CPD: variants seen among roughly 807,000 people sequenced by gnomAD.
CPD encodes carboxypeptidase D, also known as metallocarboxypeptidase D.
CPD carries 69 observed loss-of-function variants against 138.3 expected under a neutral mutation model. The ratio of observed to expected loss-of-function variants is 0.50; its 90% CI spans 0.41 to 0.61. CPD has a LOEUF of 0.61. Ranked by LOEUF, CPD falls within the 20% of genes least tolerant of loss-of-function variation. CPD has a pLI of 0.00. For missense variants in CPD, 1,432 were observed against 1,733.3 expected (o/e 0.83, Z 3.09); for synonymous variants, 651 against 642.1 (o/e 1.01, Z -0.21).
At chr17:30,412,034 A>T (rs1464990883) in intron 2 of CPD, among the ~76,000 whole-genome samples, 1 of 151,978 alleles carries the variant, frequency 6.6e-6, no homozygotes, top group African/African-American at 2.4e-5. Flanking sequence ...TGACCTACAG[A>T]TGGGGTTTTG....
rs771378024 is a variant in CPD, at chr17:30,378,986, G to T, written c.6G>T (p.Ala2=). Residue 2 remains alanine (A), a synonymous_variant, in exon 1 of 21, where the codon GCG becomes GCT. Transcript: ENST00000225719. The part of the protein sequence containing the change: M[A]SGRDERPPWR... The stretch of plus-strand genomic sequence containing the variant: ...GTTAGCGGCGCTGCTGGAAGATGGC[G>T]AGCGGCCGGGACGAGCGGCCGCCTT... 34 of 1,532,224 alleles carry T rather than the reference G, an allele frequency of 2.2e-5. No individual in the cohort carries two copies. Among genetic ancestry groups the T allele is most frequent in the Non-Finnish European group, 2.8e-5 (32 of 1,150,738 alleles). 94.9% of individuals were successfully genotyped at this position (1,532,224 alleles called of 1,614,324 possible).
rs1447785477 is a variant in CPD at position 30,379,192 on chromosome 17, C to T, written c.212C>T (p.Ala71Val). The change falls in exon 1 of 21, where the codon GCG becomes GTG. Residue 71 changes from alanine (A) to valine (V), a missense_variant. Physicochemically the swap from Ala to Val is moderately conservative, Grantham distance 64. Coordinates refer to ENST00000225719, the MANE Select transcript of CPD (RefSeq NM_001304.5). This position sits in a 1 kb window ranked among gnomAD's most constrained non-coding sequence, Gnocchi z 7.0. ...EEELESALRE[A>V]AAAGLPGLAR... is the part of the protein sequence containing the mutation. ...GAGTTGGAGTCGGCGCTGAGGGAGGCGGCGGCCGCGGGCCTCCCCGGCCTG... is the reference window on the plus strand; with the variant it reads ...GAGTTGGAGTCGGCGCTGAGGGAGGTGGCGGCCGCGGGCCTCCCCGGCCTG... The T allele has an allele frequency of 1.3e-6, 2 of 1,530,414 alleles. No individual in the cohort carries two copies. Among genetic ancestry groups the T allele is most frequent in the African/African-American group, 1.4e-5 (1 of 70,930 alleles). The allele number at this position is 1,530,414 out of a possible 1,614,324, so 94.8% of individuals were successfully genotyped here. A position where few individuals can be genotyped will look rare whatever the true frequency, so the allele number is the denominator to read the frequency against.
rs866410895 is a variant in CPD at position 30,420,281 on chromosome 17, C to G, written c.995-560C>G. ...TGTGCCACCCTAGATAACAGTTTTT[C>G]TTTTTGCTCTTGCCACCTTCTTGAT... On this transcript the variant is annotated intron_variant, in intron 2 of 20. Transcript: ENST00000225719. Among the ~76,000 whole-genome samples, 7 of 152,234 alleles carry G rather than the reference C, an allele frequency of 4.6e-5. No individual in the cohort carries two copies. In the Middle Eastern group the frequency reaches 0.014, roughly 296 times the overall value.
intron 7 of CPD, 110 bp from the exon 8 acceptor site, chr17:30,431,662 C>T: frequency 1.4e-6 from 1 of 706,750 alleles, no homozygotes; most frequent in Non-Finnish European, 2.4e-6. Flanking sequence ...GGAAATTCTG[C>T]TTGGCAAATT....
intron 2 of CPD, among the ~76,000 whole-genome samples, chr17:30,418,493 A>G (rs1912177954): frequency 1.3e-5 from 2 of 152,182 alleles, no homozygotes; most frequent in Admixed American, 6.5e-5. Flanking sequence ...TACTGCCCTC[A>G]GCCTCCCAAA....
intron 2 of CPD, among the ~76,000 whole-genome samples, chr17:30,386,368 G>C (rs990890077): frequency 6.6e-6 from 1 of 151,968 alleles, no homozygotes; most frequent in Non-Finnish European, 1.5e-5. Context: ...TTTTCCTTTT[G>C]TATTTTAATC....
Position 30,469,655 on chromosome 17 carries a change from T to G in CPD, c.*4841T>G, listed in dbSNP as rs1224447129. Reference sequence around the variant, plus strand: ...AGACACAAATAAAAAAAGAAATTTTTTATTATGTGGTTCAATAGATTGTCT... The same window carrying G: ...AGACACAAATAAAAAAAGAAATTTTGTATTATGTGGTTCAATAGATTGTCT... On this transcript the variant is annotated 3_prime_UTR_variant, in exon 21 of 21. Coordinates refer to ENST00000225719, the MANE Select transcript of CPD (RefSeq NM_001304.5). The G allele has an allele frequency of 1.3e-5, 2 of 152,214 alleles. No individual in the cohort carries two copies. The highest frequency in any genetic ancestry group is 1.9e-4 in the East Asian group (1 of 5,202). The allele number at this position is 152,214 out of a possible 1,614,324, so 9.4% of individuals were successfully genotyped here.
At chr17:30,402,615 G>T (rs1331534650) in intron 2 of CPD, among the ~76,000 whole-genome samples, 2 of 152,164 alleles carry the variant, frequency 1.3e-5, no homozygotes, top group Non-Finnish European at 2.9e-5. Context: ...TTGTAACATG[G>T]TTATAATAAC....
Position 30,421,671 on chromosome 17 carries a change from T to C in CPD, c.1145T>C (p.Ile382Thr), listed in dbSNP as rs762061351. The C allele has an allele frequency of 1.2e-5, 19 of 1,613,416 alleles. No homozygotes were observed. The highest frequency in any genetic ancestry group is 8.9e-5 in the East Asian group (4 of 44,848). Residue 382 changes from isoleucine to threonine, a missense_variant, in exon 4 of 21, where the codon ATT (isoleucine) becomes ACT (threonine). By Grantham distance (89) the Ile-to-Thr change is moderately conservative. Transcript: ENST00000225719. ...GGATTCTTGTCTTCTTAGGTTCACA[T>C]TGGAGTGAAAGGATTTGTTAAAGAT... is the stretch of plus-strand genomic sequence containing the variant. ...SLITLIEKVH[I>T]GVKGFVKDSI...
intron 2 of CPD, among the ~76,000 whole-genome samples, chr17:30,389,339 C>G (rs768176419): frequency 2.6e-5 from 4 of 152,172 alleles, no homozygotes; most frequent in African/African-American, 7.2e-5. Flanking sequence ...AGAAGTGAAA[C>G]CTTCTCCCCA....
chr17:30,425,071 T>C (rs1912368040), intron 6 of CPD, among the ~76,000 whole-genome samples: 1 of 152,198 alleles, frequency 6.6e-6, no homozygotes, highest in Non-Finnish European at 1.5e-5. Flanking sequence ...TCCCCAGACC[T>C]TTCTGAAAGG....
intron 2 of CPD, among the ~76,000 whole-genome samples, chr17:30,410,924 C>T (rs925474029): frequency 6.2e-5 from 9 of 144,696 alleles, no homozygotes; most frequent in African/African-American, 2.1e-4. Flanking sequence ...TTATTTTGCC[C>T]GTTAATTGAT....
Position 30,422,769 on chromosome 17 carries a change from C to T in CPD, c.1403C>T (p.Pro468Leu). The T allele has an allele frequency of 1.2e-6, 2 of 1,614,072 alleles. No homozygotes were observed. Among genetic ancestry groups the T allele is most frequent in the Non-Finnish European group, 1.7e-6 (2 of 1,179,956 alleles). ...SLRPTVTSVI[P>L]DTTEAVSTAS... ...AGGCCAACTGTAACTTCAGTAATCC[C>T]TGACACGACAGAGGCTGTATCAACT... The change falls in exon 5 of 21, where the codon CCT becomes CTT. Residue 468 changes from proline to leucine, a missense_variant. By Grantham distance (98) the Pro-to-Leu change is moderately conservative. Around this residue, in one of 6 missense-constraint regions of CPD, gnomAD observed 160 missense variants for 197.9 expected, o/e 0.81. Coordinates refer to ENST00000225719, the MANE Select transcript of CPD (RefSeq NM_001304.5).
chr17:30,422,809 T>A lies in CPD; in HGVS notation c.1443T>A (p.Ala481=), dbSNP rs200417693. The A allele has an allele frequency of 3.1e-5, 50 of 1,614,136 alleles. No individual in the cohort carries two copies. The highest frequency in any genetic ancestry group is 4.0e-5 in the Non-Finnish European group (47 of 1,179,960). The part of the protein sequence containing the change: ...TEAVSTASTV[A]IPNILSGTSS... ...CTGTATCAACTGCTAGCACAGTTGC[T>A]ATACCTAATATTCTTTCTGGAACAT... The change falls in exon 5 of 21, where the codon GCT becomes GCA. Residue 481 remains alanine, a synonymous_variant. Transcript: ENST00000225719.
intron 1 of CPD, among the ~76,000 whole-genome samples, chr17:30,382,458 GAGTTGATTTGCAA>G (rs1236764893): frequency 6.6e-6 from 1 of 152,150 alleles, no homozygotes; most frequent in Admixed American, 6.5e-5. Context: ...AATAAGATTG[GAGTTGATTTGCAA>G]AGTTGATTTG....
At chr17:30,460,382 AAT>A (rs1291970306) in intron 17 of CPD, among the ~76,000 whole-genome samples, 6 of 152,194 alleles carry the variant, frequency 3.9e-5, no homozygotes, top group Non-Finnish European at 8.8e-5. Flanking sequence ...CTAATCTCTA[AAT>A]AATCAGTTAA....
intron 2 of CPD, among the ~76,000 whole-genome samples, chr17:30,407,768 C>T (rs1225765160): frequency 2.0e-5 from 3 of 152,108 alleles, no homozygotes; most frequent in Non-Finnish European, 4.4e-5. Flanking sequence ...CTGTAGGTTG[C>T]CTGTTCACTC....
At position 30,469,065 on chromosome 17, in the gene CPD, G is replaced by C. The variant is rs1030551276; in HGVS notation, c.*4251G>C. 1 of 151,992 alleles carries C rather than the reference G, an allele frequency of 6.6e-6. No homozygotes were observed. The highest frequency in any genetic ancestry group is 1.5e-5 in the Non-Finnish European group (1 of 67,966). The allele number at this position is 151,992 out of a possible 1,614,324, so 9.4% of individuals were successfully genotyped here. Reference sequence around the variant, plus strand: ...AGGCCCAGTTAGAATAATGTGTCCCGGCACTTTTAGGCACAGCAAGGATGA... The same window carrying C: ...AGGCCCAGTTAGAATAATGTGTCCCCGCACTTTTAGGCACAGCAAGGATGA... On this transcript the variant is annotated 3_prime_UTR_variant, in exon 21 of 21. Coordinates refer to ENST00000225719, the MANE Select transcript of CPD (RefSeq NM_001304.5).
intron 2 of CPD, among the ~76,000 whole-genome samples, chr17:30,417,101 CAAAA>C (rs752972071): frequency 9.4e-6 from 1 of 106,322 alleles, no homozygotes. Flanking sequence ...ACTCAGTCTC[CAAAA>C]AAAAAAAAAA....
Sources: gnomAD v4.1 joint callset for allele counts (sites outside exome capture counted in the v4.1 genomes callset) on GRCh38, gnomAD v4.1.1 for gene constraint, gnomAD v4.1.1 regional missense constraint, Gnocchi (gnomAD v3.1) non-coding constraint, MANE v1.5 for transcripts, NCBI Gene and HGNC (gene_info 2026-07-23, HGNC 2026-07-21) for gene names.